PRODH2: variants seen among roughly 807,000 people sequenced by gnomAD.
PRODH2 encodes hydroxyproline dehydrogenase.
PRODH2 carries 49 observed loss-of-function variants against 51.9 expected under a neutral mutation model. That is an observed-to-expected ratio of 0.94 (90% confidence interval 0.75 to 1.20). The LOEUF (loss-of-function observed/expected upper bound fraction) is 1.20, where lower values mean the gene tolerates loss of function less well. Ranked by LOEUF, PRODH2 falls within the 50% of genes most tolerant of loss-of-function variation. The pLI is 0.00. For missense variants in PRODH2, 597 were observed against 610.9 expected (o/e 0.98, Z 0.24); for synonymous variants, 249 against 260.7 (o/e 0.96, Z 0.43).
Position 35,812,654 on chromosome 19 carries a change from G to T in PRODH2, c.152C>A (p.Pro51Gln). 6.3e-7 allele frequency: 1 copy of T among 1,594,596 alleles called. No individual in the cohort carries two copies. The highest frequency in any genetic ancestry group is 8.6e-7 in the Non-Finnish European group (1 of 1,167,628). The change falls in exon 1 of 10, where the codon CCA (proline) becomes CAA (glutamine). Residue 51 changes from proline (P) to glutamine (Q), a missense_variant. Transcript: ENST00000653904. ...CACCAACAGCCCGTGAGTGACGAGTGGGGGCCAGGCACACAGCCGGAGAAC... is the reference window on the plus strand; with the variant it reads ...CACCAACAGCCCGTGAGTGACGAGTTGGGGCCAGGCACACAGCCGGAGAAC... The part of the protein sequence containing the change: ...LLVLRLCAWP[P>Q]LVTHGLLLQA...
rs1159193381 is a variant in PRODH2, at chr19:35,812,454, C to T, written c.277G>A (p.Val93Met). The part of the protein sequence containing the change: ...QFVAGETAEE[V>M]KGCVQQLRTL... The stretch of plus-strand genomic sequence containing the variant: ...CGCAGCTGCTGCACGCAGCCCTTCA[C>T]CTCCTCTGCTGTCTCACCAGCCACA... Residue 93 changes from valine (V) to methionine (M), a missense_variant, in exon 2 of 10, where the codon GTG (valine) becomes ATG (methionine). Val to Met is a conservative substitution (Grantham distance 21). Transcript: ENST00000653904. The T allele has an allele frequency of 3.1e-6, 5 of 1,614,210 alleles. No homozygotes were observed. The highest frequency in any genetic ancestry group is 4.2e-6 in the Non-Finnish European group (5 of 1,180,026).
chr19:35,806,935 G>A, intron 5 of PRODH2, 105 bp from the exon 6 acceptor site: 4 of 1,544,424 alleles, frequency 2.6e-6, no homozygotes, highest in East Asian at 2.4e-5. Context: ...GCAGGCGGCT[G>A]AGGGAGGCCC....
At position 35,802,953 on chromosome 19, in the gene PRODH2, C is replaced by G. The variant is rs746510686; in HGVS notation, c.1112+15G>C. On this transcript the variant is annotated intron_variant, in intron 8 of 9. Coordinates refer to ENST00000653904, the MANE Select transcript of PRODH2 (RefSeq NM_021232.2). Reference sequence around the variant, plus strand: ...TTGTGGGCACCTATTTCCCGCCCATCCCTCCACCTCATACCGCTTGGTTGC... The same window carrying G: ...TTGTGGGCACCTATTTCCCGCCCATGCCTCCACCTCATACCGCTTGGTTGC... 4 of 1,514,354 alleles carry G rather than the reference C, an allele frequency of 2.6e-6. No individual in the cohort carries two copies. Among genetic ancestry groups the G allele is most frequent in the African/African-American group, 2.7e-5 (2 of 73,012 alleles). 93.8% of individuals were successfully genotyped at this position (1,514,354 alleles called of 1,614,324 possible).
At chr19:35,808,189 G>C (rs1481313434) in intron 4 of PRODH2, among the ~76,000 whole-genome samples, 2 of 152,198 alleles carry the variant, frequency 1.3e-5, no homozygotes, top group African/African-American at 4.8e-5. Flanking sequence ...CTTCGGGAGT[G>C]GATATGCTTG....
At chr19:35,800,469 G>A (rs1329605551) in intron 9 of PRODH2, among the ~76,000 whole-genome samples, 1 of 151,982 alleles carries the variant, frequency 6.6e-6, no homozygotes, top group Non-Finnish European at 1.5e-5. Flanking sequence ...GGCTGGTCTC[G>A]AACTCCTGAC....
At chr19:35,809,971 A>AAAAAAAC (rs1257129763) in intron 4 of PRODH2, among the ~76,000 whole-genome samples, 1 of 138,526 alleles carries the variant, frequency 7.2e-6, no homozygotes, top group Non-Finnish European at 1.6e-5. Context: ...AAAAAAAAAA[A>AAAAAAAC]AAAAAAAAAA....
rs1555755838 is a variant in PRODH2 at position 35,808,812 on chromosome 19, CTT to C, written c.598-1693_598-1692del. ...CCTTCCCTCCCTTCCTTCCTTCCTT[CTT>C]TTTTTTTTTTTTTTGAGATAGATCT... On this transcript the variant is annotated intron_variant, in intron 4 of 9. Transcript: ENST00000653904. 6.9e-3 allele frequency among the ~76,000 whole-genome samples: 905 copies of C among 131,118 alleles called. 11 individuals carry two copies. Among genetic ancestry groups the C allele is most frequent in the African/African-American group, 0.023 (794 of 34,922 alleles). The allele number at this position is 131,118 out of a possible 152,430, so 86.0% of individuals were successfully genotyped here. A position where few individuals can be genotyped will look rare whatever the true frequency, so the allele number is the denominator to read the frequency against.
rs897605457 is a variant in PRODH2, at chr19:35,805,546, C to T, written c.1001+884G>A. On this transcript the variant is annotated intron_variant, in intron 7 of 9. Transcript: ENST00000653904. Reference sequence around the variant, plus strand: ...CCTCCCAAAGTGCCGGGATTACAAGCGTGAGCCACCATGCCCGGCCATAAT... The same window carrying T: ...CCTCCCAAAGTGCCGGGATTACAAGTGTGAGCCACCATGCCCGGCCATAAT... 5.3e-5 allele frequency among the ~76,000 whole-genome samples: 8 copies of T among 152,098 alleles called. No homozygotes were observed. In the South Asian group the frequency reaches 1.2e-3, roughly 24 times the overall value.
rs763401020 is a variant in PRODH2 at position 35,811,957 on chromosome 19, C to A, written c.597+5G>T. On this transcript the variant is annotated splice_donor_5th_base_variant and intron_variant, in intron 4 of 9. Coordinates refer to ENST00000653904, the MANE Select transcript of PRODH2 (RefSeq NM_021232.2). ...GTCCCCGACAGTCCCGCTTGAGATC[C>A]TTACCTGCCCAGAGTCCATAGCTTC... The A allele has an allele frequency of 2.5e-6, 4 of 1,613,716 alleles. No homozygotes were observed. The highest frequency in any genetic ancestry group is 3.4e-6 in the Non-Finnish European group (4 of 1,179,760).
In PRODH2 at chr19:35,807,138, G is replaced by A; in HGVS notation, c.598-17C>T. The stretch of plus-strand genomic sequence containing the variant: ...CTGGAGGTTCTAGGGGGCAGCAGGG[G>A]AAGTGGGGAAAAGCTTATAAGTTGC... On this transcript the variant is annotated splice_polypyrimidine_tract_variant and intron_variant, in intron 4 of 9. Transcript: ENST00000653904. 2 of 1,535,222 alleles carry A rather than the reference G, an allele frequency of 1.3e-6. No individual in the cohort carries two copies. Among genetic ancestry groups the A allele is most frequent in the Non-Finnish European group, 1.8e-6 (2 of 1,132,374 alleles).
intron 7 of PRODH2, among the ~76,000 whole-genome samples, chr19:35,803,810 C>T (rs1352968169): frequency 6.6e-6 from 1 of 152,132 alleles, no homozygotes; most frequent in Non-Finnish European, 1.5e-5. Context: ...TGCTCTATCG[C>T]GCAACTGTGA....
Position 35,812,533 on chromosome 19 carries a change from G to GA in PRODH2, c.197dup (p.Leu67ProfsTer22). The GA allele has an allele frequency of 6.2e-7, 1 of 1,614,092 alleles. No homozygotes were observed. The highest frequency in any genetic ancestry group is 8.5e-7 in the Non-Finnish European group (1 of 1,179,962). ...ATGCGCCTGAGAGCCGGGAGCCCAG[G>GA]AGTCGCCGAGACCAGGCCTGGAGCT... On this transcript the variant is annotated frameshift_variant, in exon 2 of 10. Coordinates refer to ENST00000653904, the MANE Select transcript of PRODH2 (RefSeq NM_021232.2). LOFTEE classifies it high-confidence loss of function.
In PRODH2 at chr19:35,800,049, T is replaced by C. The variant is rs1972393048; in HGVS notation, c.1372A>G (p.Ile458Val). Residue 458 changes from isoleucine (I) to valine (V), a missense_variant, in exon 10 of 10, where the codon ATA (isoleucine) becomes GTA (valine). Ile to Val is a conservative substitution (Grantham distance 29). Coordinates refer to ENST00000653904, the MANE Select transcript of PRODH2 (RefSeq NM_021232.2). Reference sequence around the variant, plus strand: ...CCCCCTCAGGGGTGCTAGTGGGGTATCCTTCGGCATCCTGGCAGCAGCCGC... The same window carrying C: ...CCCCCTCAGGGGTGCTAGTGGGGTACCCTTCGGCATCCTGGCAGCAGCCGC... The part of the protein sequence containing the change: ...WRRLLPGCRR[I>V]PH 6.2e-7 allele frequency: 1 copy of C among 1,610,938 alleles called. No homozygotes were observed. The highest frequency in any genetic ancestry group is 8.5e-7 in the Non-Finnish European group (1 of 1,178,982).
At chr19:35,803,301 C>G (rs1301125628) in intron 7 of PRODH2, among the ~76,000 whole-genome samples, 1 of 152,190 alleles carries the variant, frequency 6.6e-6, no homozygotes, top group African/African-American at 2.4e-5. Context: ...GTTGCCCAGG[C>G]TGGAATGCAG....
rs576825042 is a variant in PRODH2 at position 35,802,346 on chromosome 19, C to T, written c.1113-70G>A. The T allele has an allele frequency of 3.2e-5, 42 of 1,295,586 alleles. No homozygotes were observed. The South Asian group carries it at 5.0e-4, about 15-fold the overall frequency. 80.3% of individuals were successfully genotyped at this position (1,295,586 alleles called of 1,614,324 possible). The stretch of plus-strand genomic sequence containing the variant: ...ACAGCTTAAAGTCAGCCACTATGCA[C>T]CCATATGGCGGCTCCAGTAATTCAA... On this transcript the variant is annotated intron_variant, in intron 8 of 9. Coordinates refer to ENST00000653904, the MANE Select transcript of PRODH2 (RefSeq NM_021232.2).
intron 4 of PRODH2, among the ~76,000 whole-genome samples, chr19:35,808,742 C>G (rs1265113655): frequency 6.6e-6 from 1 of 151,850 alleles, no homozygotes; most frequent in South Asian, 2.1e-4. Context: ...TAAACCTCAG[C>G]CTTTCCAGAG....
intron 8 of PRODH2, among the ~76,000 whole-genome samples, chr19:35,802,640 C>T (rs933814545): frequency 5.3e-5 from 8 of 152,014 alleles, no homozygotes; most frequent in Non-Finnish European, 1.2e-4. Context: ...CTGCTCACTG[C>T]AGTCTCAACC....
Position 35,812,050 on chromosome 19 carries a change from T to C in PRODH2, c.511-2A>G. 2.5e-6 allele frequency: 4 copies of C among 1,614,124 alleles called. No homozygotes were observed. The highest frequency in any genetic ancestry group is 3.4e-6 in the Non-Finnish European group (4 of 1,180,006). On this transcript the variant is annotated splice_acceptor_variant, in intron 3 of 9. Transcript: ENST00000653904. LOFTEE classifies it high-confidence loss of function. ...TCTGACCCACGAGGCTAGCTCCTTC[T>C]GAAATGGGGTGGTAGGCGGGGTGGT...
intron 4 of PRODH2, among the ~76,000 whole-genome samples, chr19:35,809,129 T>TTTCC (rs560796265): frequency 4.7e-5 from 7 of 150,210 alleles, no homozygotes; most frequent in South Asian, 4.2e-4. Context: ...CCTTCCTTCC[T>TTTCC]TTCCTTCCTT....
Sources: gnomAD v4.1 joint callset for allele counts (sites outside exome capture counted in the v4.1 genomes callset) on GRCh38, gnomAD v4.1.1 for gene constraint, MANE v1.5 for transcripts, NCBI Gene and HGNC (gene_info 2026-07-23, HGNC 2026-07-21) for gene names.